The following GPATCH2L variants were observed in gnomAD, a reference collection of about 807,000 sequenced individuals.
GPATCH2L encodes the protein G patch domain-containing protein 2-like.
GPATCH2L carries 31 observed loss-of-function variants against 57.4 expected under a neutral mutation model. That is an observed-to-expected ratio of 0.54 (90% CI 0.41 to 0.73). The LOEUF (loss-of-function observed/expected upper bound fraction) is 0.73, where lower values mean the gene tolerates loss of function less well. Among genes scored for constraint, GPATCH2L ranks in the 30% least tolerant of loss-of-function variants. GPATCH2L has a pLI of 0.00. For synonymous variants in GPATCH2L, 199 were observed against 210.7 expected (o/e 0.94, Z 0.48); for missense variants, 481 against 599.9 (o/e 0.80, Z 2.07).
chr14:76,204,213 C>A lies in GPATCH2L; in HGVS notation c.*2362C>A, dbSNP rs1307657106. On this transcript the variant is annotated 3_prime_UTR_variant, in exon 10 of 10. Coordinates refer to ENST00000261530, the MANE Select transcript of GPATCH2L (RefSeq NM_017926.4). ...TTTTCAGTGATAGACCTGAGTCAGT[C>A]TGAGATGCTTATTTATGAAACAGTA... is the stretch of plus-strand genomic sequence containing the variant. 6.6e-6 allele frequency: 1 copy of A among 152,174 alleles called. No homozygotes were observed. The allele number at this position is 152,174 out of a possible 1,614,324, so 9.4% of individuals were successfully genotyped here. A position where few individuals can be genotyped will look rare whatever the true frequency, so the allele number is the denominator to read the frequency against.
chr14:76,183,337 G>A (rs2039646671), intron 8 of GPATCH2L, among the ~76,000 whole-genome samples: 1 of 152,210 alleles, frequency 6.6e-6, no homozygotes, highest in Admixed American at 6.5e-5. Context: ...AGAGAATGTG[G>A]ACAATCATGC....
intron 4 of GPATCH2L, 44 bp from the exon 5 acceptor site, chr14:76,173,502 G>T: frequency 7.8e-7 from 1 of 1,276,800 alleles, no homozygotes; most frequent in South Asian, 1.3e-5. Flanking sequence ...GATTGCATAT[G>T]GATTTTCTGC....
rs1172425184 is a variant in GPATCH2L, at chr14:76,208,007, T to C, written c.*6156T>C. The C allele has an allele frequency of 1.3e-5, 2 of 152,208 alleles. No individual in the cohort carries two copies. The highest frequency in any genetic ancestry group is 1.3e-4 in the Admixed American group (2 of 15,278). The allele number at this position is 152,208 out of a possible 1,614,324, so 9.4% of individuals were successfully genotyped here. On this transcript the variant is annotated 3_prime_UTR_variant, in exon 10 of 10. Coordinates refer to ENST00000261530, the MANE Select transcript of GPATCH2L (RefSeq NM_017926.4). ...CTCAGATGCTCATGTCTGTAGGCTG[T>C]TAAGCTCTCATTTCAATTTTTGCAG... is the stretch of plus-strand genomic sequence containing the variant.
intron 4 of GPATCH2L, among the ~76,000 whole-genome samples, chr14:76,172,364 G>A (rs997494300): frequency 3.9e-5 from 6 of 152,162 alleles, no homozygotes; most frequent in Non-Finnish European, 8.8e-5. Flanking sequence ...ATTTCAATAA[G>A]AACATTCACA....
At chr14:76,160,548 T>C (rs1325951992) in intron 2 of GPATCH2L, among the ~76,000 whole-genome samples, 1 of 152,308 alleles carries the variant, frequency 6.6e-6, no homozygotes, top group East Asian at 1.9e-4. Flanking sequence ...GAGAAAAAAG[T>C]GTTCTTGAGT....
At chr14:76,162,344 C>T (rs542972279) in intron 2 of GPATCH2L, among the ~76,000 whole-genome samples, 8 of 152,184 alleles carry the variant, frequency 5.3e-5, no homozygotes, top group Non-Finnish European at 7.4e-5. Flanking sequence ...GTTGGCTTTC[C>T]GTTGAGTAAG....
chr14:76,162,948 A>C (rs1302393950), intron 2 of GPATCH2L, among the ~76,000 whole-genome samples: 1 of 152,244 alleles, frequency 6.6e-6, no homozygotes, highest in African/African-American at 2.4e-5. Context: ...GAAAGTTTTA[A>C]GTAGCTAAAA....
chr14:76,211,168 T>A lies in GPATCH2L; in HGVS notation c.*9317T>A, dbSNP rs2040436486. The A allele has an allele frequency of 6.6e-6, 1 of 152,204 alleles. No homozygotes were observed. Among genetic ancestry groups the A allele is most frequent in the South Asian group, 2.1e-4 (1 of 4,828 alleles). The allele number at this position is 152,204 out of a possible 1,614,324, so 9.4% of individuals were successfully genotyped here. A position where few individuals can be genotyped will look rare whatever the true frequency, so the allele number is the denominator to read the frequency against. ...TCAGAGCACTGCAAGTGTTTTAGTATGGCCCACATGTAAAGCTTACAGAGG... is the reference window on the plus strand; with the variant it reads ...TCAGAGCACTGCAAGTGTTTTAGTAAGGCCCACATGTAAAGCTTACAGAGG... On this transcript the variant is annotated 3_prime_UTR_variant, in exon 10 of 10. Coordinates refer to ENST00000261530, the MANE Select transcript of GPATCH2L (RefSeq NM_017926.4).
rs2038224151 is a variant in GPATCH2L, at chr14:76,154,815, A to G, written c.452A>G (p.Asp151Gly). 6.2e-7 allele frequency: 1 copy of G among 1,614,120 alleles called. No individual in the cohort carries two copies. The highest frequency in any genetic ancestry group is 1.3e-5 in the African/African-American group (1 of 74,944). The change falls in exon 2 of 10, where the codon GAT becomes GGT. Residue 151 changes from aspartate (D) to glycine (G), a missense_variant. Coordinates refer to ENST00000261530, the MANE Select transcript of GPATCH2L (RefSeq NM_017926.4). This position sits in a 1 kb window ranked among gnomAD's most constrained non-coding sequence, Gnocchi z 4.4. The part of the protein sequence containing the change: ...ASLQQKLKVS[D>G]WSYERGCRFK... ...CTTCAGCAGAAGCTGAAGGTGTCAG[A>G]TTGGAGCTATGAGAGAGGCTGCAGG...
At chr14:76,173,328 A>G (rs935902204) in intron 4 of GPATCH2L, among the ~76,000 whole-genome samples, 1 of 152,200 alleles carries the variant, frequency 6.6e-6, no homozygotes, top group South Asian at 2.1e-4. Flanking sequence ...TCTTTTATAG[A>G]TGGAGGATGC....
intron 8 of GPATCH2L, among the ~76,000 whole-genome samples, chr14:76,183,151 A>G (rs2039638864): frequency 6.6e-6 from 1 of 152,228 alleles, no homozygotes; most frequent in Non-Finnish European, 1.5e-5. Flanking sequence ...TGGACTAGGC[A>G]TCAGCTTCTT....
In GPATCH2L at chr14:76,166,899, T is replaced by C. The variant is rs113470349; in HGVS notation, c.727+172T>C. 3.4e-3 allele frequency among the ~76,000 whole-genome samples: 521 copies of C among 152,222 alleles called. 4 individuals are homozygous for C. The highest frequency in any genetic ancestry group is 0.012 in the African/African-American group (483 of 41,546). On this transcript the variant is annotated intron_variant, in intron 3 of 9. Transcript: ENST00000261530. ...TTAAAACTGCACAGTCCTGAGCTCC[T>C]AGAAATCAAATAGGTCTAGAGTTGG... is the stretch of plus-strand genomic sequence containing the variant.
chr14:76,235,168 CA>C (rs34157061), intron 2 of GPATCH2L, among the ~76,000 whole-genome samples: 235 of 98,738 alleles, frequency 2.4e-3, no homozygotes, highest in Middle Eastern at 4.6e-3. Context: ...AACTCTGTCT[CA>C]AAAAAAAAAA....
Position 76,178,021 on chromosome 14 carries a change from C to T in GPATCH2L, c.1086C>T (p.His362=). The T allele has an allele frequency of 6.2e-7, 1 of 1,607,082 alleles. No individual in the cohort carries two copies. The highest frequency in any genetic ancestry group is 8.5e-7 in the Non-Finnish European group (1 of 1,174,146). The change falls in exon 7 of 10, where the codon CAC becomes CAT. Residue 362 remains histidine, a synonymous_variant. Coordinates refer to ENST00000261530, the MANE Select transcript of GPATCH2L (RefSeq NM_017926.4). ...KNKALASDFP[H]ISACAHEFNP... ...AAGCGTTGGCTTCTGATTTTCCTCA[C>T]ATTTCTGCTTGTGCACATGAGGTAA...
chr14:76,171,277 T>TAAAA (rs57103783), intron 3 of GPATCH2L, among the ~76,000 whole-genome samples: 1 of 133,480 alleles, frequency 7.5e-6, no homozygotes, highest in African/African-American at 2.8e-5. Flanking sequence ...TACAGAGAAT[T>TAAAA]AAAAAAAAAA....
intron 2 of GPATCH2L, among the ~76,000 whole-genome samples, chr14:76,234,210 C>T (rs901529936): frequency 6.6e-6 from 1 of 152,198 alleles, no homozygotes; most frequent in African/African-American, 2.4e-5. Flanking sequence ...TCCTTTAATT[C>T]TTTAATCTAT....
In GPATCH2L at chr14:76,176,629, A is replaced by G. The variant is rs761131548; in HGVS notation, c.991A>G (p.Ser331Gly). ...GRRRLVGKET[S>G]INTLGTERIS... ...GTCTGCCTTTTCTTTTTAGGAGACC[A>G]GCATAAACACTTTGGGGACTGAGAG... Residue 331 changes from serine (S) to glycine (G), a missense_variant, in exon 6 of 10, where the codon AGC becomes GGC. Physicochemically the swap from Ser to Gly is moderately conservative, Grantham distance 56 (BLOSUM62 0). Coordinates refer to ENST00000261530, the MANE Select transcript of GPATCH2L (RefSeq NM_017926.4). 7 of 1,606,982 alleles carry G rather than the reference A, an allele frequency of 4.4e-6. No homozygotes were observed. The highest frequency in any genetic ancestry group is 3.3e-4 in the Middle Eastern group (2 of 6,046).
chr14:76,200,251 G>T (rs779405809), intron 9 of GPATCH2L, among the ~76,000 whole-genome samples: 13 of 152,124 alleles, frequency 8.5e-5, no homozygotes, highest in African/African-American at 2.4e-5. Flanking sequence ...ATAAATAGTG[G>T]TGACAGTTAT....
At chr14:76,218,724 C>T (rs186683347), downstream of GPATCH2L, among the ~76,000 whole-genome samples, 29 of 149,126 alleles carry the variant, frequency 1.9e-4, no homozygotes, top group Non-Finnish European at 3.3e-4. Context: ...TATACATCTA[C>T]AGCAATTAAA....
Sources: allele counts gnomAD v4.1 joint callset (sites outside exome capture counted in the v4.1 genomes callset), GRCh38; gene constraint gnomAD v4.1.1; non-coding constraint Gnocchi (gnomAD v3.1); transcripts MANE v1.5; gene names NCBI Gene and HGNC (gene_info 2026-07-23, HGNC 2026-07-21).